Variants in SETD2 observed in about 807,000 individuals in gnomAD.
The protein encoded by SETD2 is histone-lysine N-methyltransferase SETD2.
SETD2 carries 31 observed loss-of-function variants against 242.1 expected under a neutral mutation model. The observed-to-expected ratio is 0.13, with a 90% CI of 0.10 to 0.17. The LOEUF (loss-of-function observed/expected upper bound fraction) is 0.17. Among genes scored for constraint, SETD2 ranks in the 10% least tolerant of loss-of-function variants. The pLI is 1.00. For missense variants in SETD2, 2,481 were observed against 3,046.3 expected (o/e 0.81, Z 4.37); for synonymous variants, 1,006 against 1,066.5 (o/e 0.94, Z 1.11).
intron 12 of SETD2, among the ~76,000 whole-genome samples, 187 bp downstream of exon 12, chr3:47,083,533 T>C (rs1300035426): frequency 6.6e-6 from 1 of 152,232 alleles, no homozygotes. Context: ...GTATATTAGT[T>C]TGGCTAATAT....
rs750308104 is a variant in SETD2, at chr3:47,122,600, G to A, written c.2036C>T (p.Ala679Val). 2.5e-5 allele frequency: 40 copies of A among 1,613,932 alleles called. No individual in the cohort carries two copies. Among genetic ancestry groups the A allele is most frequent in the Middle Eastern group, 1.6e-4 (1 of 6,084 alleles). Residue 679 changes from alanine (A) to valine (V), a missense_variant, in exon 3 of 21, where the codon GCA becomes GTA. Physicochemically the swap from Ala to Val is moderately conservative, Grantham distance 64. This residue lies in a region of SETD2 where 1,300 missense variants were observed against 1,259.2 expected (regional missense o/e 1.03). Coordinates refer to ENST00000409792, the MANE Select transcript of SETD2 (RefSeq NM_014159.7). ...GCAAAATGTTGCCAAATCAGATTCTGCCCCAGGAGATCCATTTATATTTAA... is the reference window on the plus strand; with the variant it reads ...GCAAAATGTTGCCAAATCAGATTCTACCCCAGGAGATCCATTTATATTTAA... ...IELNINGSPGAESDLATFCTS... is the reference protein window; with the variant it reads ...IELNINGSPGVESDLATFCTS...
chr3:47,109,788 C>T (rs1350618303), intron 5 of SETD2, among the ~76,000 whole-genome samples: 1 of 152,036 alleles, frequency 6.6e-6, no homozygotes, highest in African/African-American at 2.4e-5. Flanking sequence ...GAGTTCGAGA[C>T]CAGCTGGGCC....
chr3:47,092,993 T>C (rs1449147790), intron 9 of SETD2, among the ~76,000 whole-genome samples: 1 of 152,140 alleles, frequency 6.6e-6, no homozygotes, highest in Non-Finnish European at 1.5e-5. Flanking sequence ...TTCCTAAATA[T>C]TAATTTTTTT....
At chr3:47,062,753 A>G (rs2040394116) in intron 13 of SETD2, among the ~76,000 whole-genome samples, 1 of 152,210 alleles carries the variant, frequency 6.6e-6, no homozygotes, top group African/African-American at 2.4e-5. Context: ...AAGCAGCCTG[A>G]TGTGCTAAGC....
In SETD2 at chr3:47,164,111, T is replaced by A. The variant is rs1202626332; in HGVS notation, c.-187A>T. On this transcript the variant is annotated 5_prime_UTR_variant, in exon 1 of 21. Coordinates refer to ENST00000409792, the MANE Select transcript of SETD2 (RefSeq NM_014159.7). This position sits in a 1 kb window ranked among gnomAD's most constrained non-coding sequence, Gnocchi z 5.4. The stretch of plus-strand genomic sequence containing the variant: ...TCCCTCGGACGCCCGCCAGCCGCTC[T>A]CTCCCTCTCACCCTCACACCGGGAG... 16 of 1,055,614 alleles carry A rather than the reference T, an allele frequency of 1.5e-5. No individual in the cohort carries two copies. The highest frequency in any genetic ancestry group is 1.9e-5 in the Non-Finnish European group (16 of 836,208). The allele number at this position is 1,055,614 out of a possible 1,614,324, so 65.4% of individuals were successfully genotyped here.
At chr3:47,117,622 T>C (rs2042915632) in intron 3 of SETD2, among the ~76,000 whole-genome samples, 1 of 152,230 alleles carries the variant, frequency 6.6e-6, no homozygotes, top group African/African-American at 2.4e-5. Flanking sequence ...TTAGAGAATC[T>C]TTCAGTAACA....
At chr3:47,021,329 A>G (rs1170442766) in intron 18 of SETD2, among the ~76,000 whole-genome samples, 1 of 152,326 alleles carries the variant, frequency 6.6e-6, no homozygotes, top group African/African-American at 2.4e-5. Flanking sequence ...TCTGGGTCCT[A>G]TAGAAGAGGC....
At position 47,099,170 on chromosome 3, in the gene SETD2, C is replaced by T. The variant is rs983564667; in HGVS notation, c.5016-1089G>A. ...AGGAGTATGTAAAAGACCTTCATTG[C>T]CAGAAGTCTGGTAACTGTCACCAGA... On this transcript the variant is annotated intron_variant, in intron 8 of 20. Coordinates refer to ENST00000409792, the MANE Select transcript of SETD2 (RefSeq NM_014159.7). Among the ~76,000 whole-genome samples, 10 of 151,572 alleles carry T rather than the reference C, an allele frequency of 6.6e-5. No individual in the cohort carries two copies. The East Asian group carries it at 1.9e-3, about 29-fold the overall frequency.
intron 1 of SETD2, among the ~76,000 whole-genome samples, chr3:47,150,851 T>A (rs1260752700): frequency 6.7e-6 from 1 of 150,098 alleles, no homozygotes; most frequent in African/African-American, 2.5e-5. Context: ...GCCTGGGAGG[T>A]TGAGGCTGCA....
chr3:47,065,917 T>G (rs2040537210), intron 13 of SETD2, among the ~76,000 whole-genome samples: 1 of 152,202 alleles, frequency 6.6e-6, no homozygotes, highest in Admixed American at 6.5e-5. Flanking sequence ...TTCTAACTTT[T>G]TCAGGGGTGA....
At chr3:47,119,343 T>C (rs2042982301) in intron 3 of SETD2, 1 of 152,334 alleles carries the variant, frequency 6.6e-6, no homozygotes, top group Non-Finnish European at 1.5e-5. Context: ...CACTTTATCA[T>C]TTCTAAAATA....
At chr3:47,061,289 G>C (rs1195741766) in intron 14 of SETD2, among the ~76,000 whole-genome samples, 1 of 151,958 alleles carries the variant, frequency 6.6e-6, no homozygotes, top group East Asian at 1.9e-4. Flanking sequence ...AAAACAACAT[G>C]GTACTGGCAT....
intron 1 of SETD2, chr3:47,127,592 T>C (rs1312398934): frequency 1.1e-5 from 5 of 451,122 alleles, no homozygotes; most frequent in Non-Finnish European, 2.2e-5. Context: ...CCAGGTGCGG[T>C]GGCTCACGCC....
chr3:47,159,853 T>TA (rs1186440586), intron 1 of SETD2, among the ~76,000 whole-genome samples: 1 of 151,646 alleles, frequency 6.6e-6, no homozygotes, highest in Non-Finnish European at 1.5e-5. Context: ...CAGGCGCCTG[T>TA]AATCCCAGCT....
intron 11 of SETD2, among the ~76,000 whole-genome samples, chr3:47,085,675 A>G (rs2041522031): frequency 6.6e-6 from 1 of 152,254 alleles, no homozygotes; most frequent in South Asian, 2.1e-4. Flanking sequence ...CAAATTAGAA[A>G]GTTAGAAAAT....
chr3:47,112,787 G>A (rs1053385501), intron 5 of SETD2, among the ~76,000 whole-genome samples: 8 of 149,776 alleles, frequency 5.3e-5, no homozygotes, highest in Non-Finnish European at 7.4e-5. Flanking sequence ...ACGGGGTTTC[G>A]CCATGTTGGC....
chr3:47,160,198 C>A (rs1024675831), intron 1 of SETD2, among the ~76,000 whole-genome samples: 2 of 152,124 alleles, frequency 1.3e-5, no homozygotes, highest in African/African-American at 2.4e-5. Flanking sequence ...ACCCAGTATA[C>A]CTCACTTTAA....
intron 15 of SETD2, among the ~76,000 whole-genome samples, chr3:47,054,340 T>G (rs866310277): frequency 1.3e-5 from 2 of 152,194 alleles, no homozygotes; most frequent in Non-Finnish European, 2.9e-5. Context: ...AGAAAAATCA[T>G]ATGACCAGGG....
intron 1 of SETD2, among the ~76,000 whole-genome samples, chr3:47,139,770 A>C (rs952188698): frequency 6.6e-6 from 1 of 152,198 alleles, no homozygotes; most frequent in Non-Finnish European, 1.5e-5. Context: ...TACGTTATTT[A>C]TGTGGTCAAT....
Sources: gnomAD v4.1 joint callset for allele counts (sites outside exome capture counted in the v4.1 genomes callset) on GRCh38, gnomAD v4.1.1 for gene constraint, gnomAD v4.1.1 regional missense constraint, Gnocchi (gnomAD v3.1) non-coding constraint, MANE v1.5 for transcripts, NCBI Gene and HGNC (gene_info 2026-07-23, HGNC 2026-07-21) for gene names.